Variants in ZMIZ1 observed in about 807,000 individuals in gnomAD.
ZMIZ1 encodes the protein zinc finger MIZ-type containing 1.
ZMIZ1 carries 17 observed loss-of-function variants against 113.9 expected under a neutral mutation model. The observed-to-expected ratio is 0.15, with a 90% CI of 0.10 to 0.22. The LOEUF (loss-of-function observed/expected upper bound fraction) is 0.22. Among genes scored for constraint, ZMIZ1 ranks in the 10% least tolerant of loss-of-function variants. ZMIZ1 has a pLI of 1.00. For missense variants in ZMIZ1, 1,059 were observed against 1,477.8 expected, an observed-to-expected ratio of 0.72 and a Z score of 4.65; for synonymous variants, 607 against 603.1, an observed-to-expected ratio of 1.01 and a Z score of -0.09.
chr10:79,120,592 A>T (rs1029454342), intron 2 of ZMIZ1, among the ~76,000 whole-genome samples: 3 of 151,978 alleles, frequency 2.0e-5, no homozygotes, highest in African/African-American at 7.3e-5. Context: ...CCGCTCTAGG[A>T]CTCATTCCCC....
In ZMIZ1 at chr10:79,208,330, C is replaced by T; in HGVS notation, c.61-6C>T. ...GCCTCAGCCGCCTCCTTTTCCTTTC[C>T]CACAGCACTTACAGAATCCTGCCAA... is the stretch of plus-strand genomic sequence containing the variant. On this transcript the variant is annotated splice_region_variant and splice_polypyrimidine_tract_variant and intron_variant, in intron 5 of 24. Transcript: ENST00000334512. The T allele has an allele frequency of 6.2e-7, 1 of 1,613,984 alleles. No individual in the cohort carries two copies. Among genetic ancestry groups the T allele is most frequent in the African/African-American group, 1.3e-5 (1 of 75,056 alleles).
intron 5 of ZMIZ1, among the ~76,000 whole-genome samples, chr10:79,203,990 G>A (rs531184255): frequency 1.3e-5 from 2 of 152,042 alleles, no homozygotes; most frequent in African/African-American, 2.4e-5. Flanking sequence ...AGCTCCCTAC[G>A]TGCTCCATGC....
chr10:79,092,668 G>A (rs923964833), intron 1 of ZMIZ1, among the ~76,000 whole-genome samples: 1 of 152,116 alleles, frequency 6.6e-6, no homozygotes, highest in Non-Finnish European at 1.5e-5. Context: ...ACATTTCTTT[G>A]CACTTCCTGC....
At chr10:79,153,606 C>T (rs538483145) in intron 3 of ZMIZ1, among the ~76,000 whole-genome samples, 2 of 152,378 alleles carry the variant, frequency 1.3e-5, no homozygotes, top group African/African-American at 4.8e-5. Flanking sequence ...CTGTAAATAG[C>T]AAGTGCTCCT....
chr10:79,183,416 G>T (rs1028780394), intron 4 of ZMIZ1, among the ~76,000 whole-genome samples: 2 of 152,018 alleles, frequency 1.3e-5, no homozygotes, highest in East Asian at 3.9e-4. Flanking sequence ...ACACAGTCCA[G>T]GTCCTGCTTG....
chr10:79,090,784 G>A (rs558445314), intron 1 of ZMIZ1, among the ~76,000 whole-genome samples: 2 of 152,342 alleles, frequency 1.3e-5, no homozygotes, highest in South Asian at 4.1e-4. Flanking sequence ...AGGTTTGGGG[G>A]GTGCCCACTT....
chr10:79,151,979 G>T (rs1192203211), intron 3 of ZMIZ1, among the ~76,000 whole-genome samples: 1 of 152,214 alleles, frequency 6.6e-6, no homozygotes, highest in Non-Finnish European at 1.5e-5. Context: ...GGGCCCCCTG[G>T]GCTGCTCCAC....
At position 79,110,874 on chromosome 10, in the gene ZMIZ1, G is replaced by A. The variant is rs116112470; in HGVS notation, c.-336-8041G>A. Among the ~76,000 whole-genome samples the A allele has an allele frequency of 6.1e-3, 926 of 152,328 alleles. 13 individuals are homozygous for A. Among genetic ancestry groups the A allele is most frequent in the African/African-American group, 0.021 (861 of 41,562 alleles). On this transcript the variant is annotated intron_variant, in intron 1 of 24. Transcript: ENST00000334512. ...TGAACTCATGAACTTCATGACCAAT[G>A]GACCTGAAGTCTGGAAGCACAGATG...
intron 7 of ZMIZ1, among the ~76,000 whole-genome samples, chr10:79,268,277 C>T (rs1275472228): frequency 6.6e-6 from 1 of 152,216 alleles, no homozygotes; most frequent in South Asian, 2.1e-4. Flanking sequence ...GGTGGCTGTG[C>T]ATGTCATGAA....
At position 79,294,014 on chromosome 10, in the gene ZMIZ1, C is replaced by T. The variant is rs558838792; in HGVS notation, c.1230+361C>T. The T allele has an allele frequency of 6.1e-5, 22 of 359,402 alleles. No individual in the cohort carries two copies. The South Asian group carries it at 6.5e-4, about 11-fold the overall frequency. 22.3% of individuals were successfully genotyped at this position (359,402 alleles called of 1,614,324 possible). A position where few individuals can be genotyped will look rare whatever the true frequency, so the allele number is the denominator to read the frequency against. On this transcript the variant is annotated intron_variant, in intron 12 of 24. Transcript: ENST00000334512. ...CTGGGTGACCTGGGTTTAGTTCCTCCTGCCCACATGAGAGCTTCCCCAACT... is the reference window on the plus strand; with the variant it reads ...CTGGGTGACCTGGGTTTAGTTCCTCTTGCCCACATGAGAGCTTCCCCAACT...
chr10:79,309,362 G>A (rs1047109085), intron 23 of ZMIZ1, among the ~76,000 whole-genome samples: 3 of 152,214 alleles, frequency 2.0e-5, no homozygotes, highest in Admixed American at 6.5e-5. Flanking sequence ...GCTGGAGTGT[G>A]GAGCCCCTCC....
intron 8 of ZMIZ1, among the ~76,000 whole-genome samples, chr10:79,289,365 G>A (rs1380298594): frequency 1.3e-5 from 2 of 152,172 alleles, no homozygotes; most frequent in Non-Finnish European, 2.9e-5. Context: ...ACTGAGAAGG[G>A]ACCAAGCAGT....
intron 12 of ZMIZ1, chr10:79,295,384 A>G (rs1853817726): frequency 6.6e-6 from 1 of 152,248 alleles, no homozygotes; most frequent in Non-Finnish European, 1.5e-5. Context: ...CAGCTACAGC[A>G]CTGGGTGGTC....
At chr10:79,255,621 G>A (rs764787002) in intron 7 of ZMIZ1, among the ~76,000 whole-genome samples, 7 of 152,036 alleles carry the variant, frequency 4.6e-5, no homozygotes, top group Non-Finnish European at 1.0e-4. Context: ...CAGGGTCTCT[G>A]TGTTCCTGCC....
chr10:79,289,249 C>T (rs921351386), intron 8 of ZMIZ1, among the ~76,000 whole-genome samples: 3 of 152,028 alleles, frequency 2.0e-5, no homozygotes, highest in South Asian at 2.1e-4. Flanking sequence ...GGAAGGGTGC[C>T]GGAAGAAAGC....
chr10:79,104,948 GGGGTGT>G (rs746072819), intron 1 of ZMIZ1, among the ~76,000 whole-genome samples: 3 of 127,586 alleles, frequency 2.4e-5, no homozygotes, highest in Admixed American at 1.6e-4. Context: ...TTGTTGTTGT[GGGGTGT>G]GTGTGTGTGT....
chr10:79,091,092 G>T (rs943163670), intron 1 of ZMIZ1, among the ~76,000 whole-genome samples: 1 of 152,190 alleles, frequency 6.6e-6, no homozygotes, highest in Non-Finnish European at 1.5e-5. Flanking sequence ...TCTACCAAGA[G>T]ACCTTCTCCA....
intron 7 of ZMIZ1, among the ~76,000 whole-genome samples, chr10:79,241,819 T>C (rs1849846091): frequency 6.6e-6 from 1 of 152,112 alleles, no homozygotes. Context: ...GAAGAGGGGA[T>C]GGAGTCAGGA....
chr10:79,309,326 CTG>C lies in ZMIZ1; in HGVS notation c.2836-1596_2836-1595del, dbSNP rs530729623. Reference sequence around the variant, plus strand: ...ACAGCTGCCTCTGAAGATCCAGGGACTGTCTGTCTTGAGCTGGGCTGCACAGC... The same window carrying C: ...ACAGCTGCCTCTGAAGATCCAGGGACTCTGTCTTGAGCTGGGCTGCACAGC... On this transcript the variant is annotated intron_variant, in intron 23 of 24. Coordinates refer to ENST00000334512, the MANE Select transcript of ZMIZ1 (RefSeq NM_020338.4). 7.6e-3 allele frequency among the ~76,000 whole-genome samples: 1,165 copies of C among 152,354 alleles called. 11 individuals carry two copies. Among genetic ancestry groups the C allele is most frequent in the Non-Finnish European group, 0.01 (688 of 68,038 alleles).
Sources: gnomAD v4.1 joint callset for allele counts (sites outside exome capture counted in the v4.1 genomes callset) on GRCh38, gnomAD v4.1.1 for gene constraint, MANE v1.5 for transcripts, NCBI Gene and HGNC (gene_info 2026-07-23, HGNC 2026-07-21) for gene names.